The following RBX1 variants were observed in gnomAD, a reference collection of about 807,000 sequenced individuals.
The protein encoded by RBX1 is E3 ubiquitin-protein ligase RBX1.
For missense variants in RBX1, 46 were observed against 141.4 expected (o/e 0.33, Z 3.42); for synonymous variants, 48 against 47.9 (o/e 1.00, Z -0.01).
At chr22:40,968,024 A>G (rs146427422) in intron 4 of RBX1, 140 bp downstream of exon 4, 282 of 497,370 alleles carry the variant, frequency 5.7e-4, no homozygotes, top group African/African-American at 4.7e-3. Context: ...GGACTTATCT[A>G]TATGGAAAAT....
At chr22:40,952,577 G>C (rs1569041610) in intron 1 of RBX1, among the ~76,000 whole-genome samples, 1 of 152,178 alleles carries the variant, frequency 6.6e-6, no homozygotes, top group Non-Finnish European at 1.5e-5. Flanking sequence ...AAGCGAAGAA[G>C]GTTTGGGAGT....
chr22:40,966,762 A>G (rs146206282), intron 3 of RBX1: 1 of 152,338 alleles, frequency 6.6e-6, no homozygotes, highest in African/African-American at 2.4e-5. Context: ...TTGTTATTAA[A>G]TGAAGCTTGT....
At chr22:40,962,422 T>C (rs1312800483) in intron 2 of RBX1, among the ~76,000 whole-genome samples, 2 of 151,978 alleles carry the variant, frequency 1.3e-5, no homozygotes, top group East Asian at 3.8e-4. Flanking sequence ...GAAAAAGGTA[T>C]TATCATGGTA....
chr22:40,969,125 C>A (rs2058361854), intron 4 of RBX1, among the ~76,000 whole-genome samples: 1 of 151,832 alleles, frequency 6.6e-6, no homozygotes, highest in Admixed American at 6.6e-5. Flanking sequence ...GCCAGCCTGG[C>A]CAACATGGAG....
chr22:40,952,103 T>C (rs1176229880), intron 1 of RBX1, among the ~76,000 whole-genome samples: 2 of 152,100 alleles, frequency 1.3e-5, no homozygotes, highest in African/African-American at 4.8e-5. Flanking sequence ...ACTCTTGGGT[T>C]CTCTGTCACG....
At chr22:40,954,440 C>G (rs1176631998) in intron 2 of RBX1, among the ~76,000 whole-genome samples, 1 of 152,164 alleles carries the variant, frequency 6.6e-6, no homozygotes, top group Non-Finnish European at 1.5e-5. Flanking sequence ...TCATTTAAAT[C>G]TCCACATATT....
At chr22:40,960,703 T>G (rs1460980171) in intron 2 of RBX1, among the ~76,000 whole-genome samples, 1 of 152,168 alleles carries the variant, frequency 6.6e-6, no homozygotes, top group Non-Finnish European at 1.5e-5. Flanking sequence ...CTTTTAATTA[T>G]AGTAGTGTAT....
rs751085056 is a variant in RBX1 at position 40,958,307 on chromosome 22, T to TA, written c.157+4687dup. Among the ~76,000 whole-genome samples, 675 of 135,644 alleles carry TA rather than the reference T, an allele frequency of 5.0e-3. 8 individuals are homozygous for TA. The highest frequency in any genetic ancestry group is 0.037 in the East Asian group (174 of 4,766). 89.0% of individuals were successfully genotyped at this position (135,644 alleles called of 152,430 possible). On this transcript the variant is annotated intron_variant, in intron 2 of 4. Transcript: ENST00000216225. The stretch of plus-strand genomic sequence containing the variant: ...GAGGAGAAGTCTGAGTGCCATAACT[T>TA]AAAAAAAAAAAAAGGATTTATATGG...
intron 4 of RBX1, among the ~76,000 whole-genome samples, chr22:40,968,308 C>T (rs1207362955): frequency 6.6e-6 from 1 of 152,094 alleles, no homozygotes; most frequent in East Asian, 1.9e-4. Context: ...CCAGGCTGGT[C>T]TTGAACTCCT....
At chr22:40,968,428 T>C (rs1387257505) in intron 4 of RBX1, among the ~76,000 whole-genome samples, 1 of 152,006 alleles carries the variant, frequency 6.6e-6, no homozygotes, top group Admixed American at 6.6e-5. Context: ...AAGTAGAAAA[T>C]GTGATAATCT....
intron 4 of RBX1, among the ~76,000 whole-genome samples, chr22:40,971,904 G>A (rs2058370147): frequency 6.6e-6 from 1 of 152,080 alleles, no homozygotes; most frequent in Non-Finnish European, 1.5e-5. Flanking sequence ...GGTTTCTGGG[G>A]AAAACAGAAA....
intron 4 of RBX1, among the ~76,000 whole-genome samples, chr22:40,970,053 T>TAAAA (rs71328761): frequency 9.1e-6 from 1 of 109,698 alleles, no homozygotes; most frequent in Non-Finnish European, 1.8e-5. Context: ...AGACCCAATT[T>TAAAA]AAAAAAAAAA....
chr22:40,970,919 G>T (rs2058367370), intron 4 of RBX1, among the ~76,000 whole-genome samples: 1 of 152,110 alleles, frequency 6.6e-6, no homozygotes, highest in Admixed American at 6.6e-5. Flanking sequence ...GTACTGTTGG[G>T]CTCCCTTCAG....
chr22:40,965,197 G>A (rs1569044910), intron 3 of RBX1, among the ~76,000 whole-genome samples: 3 of 151,866 alleles, frequency 2.0e-5, no homozygotes, highest in Admixed American at 2.0e-4. Flanking sequence ...CAGCTACTCG[G>A]GAGGCTGAGG....
intron 1 of RBX1, among the ~76,000 whole-genome samples, chr22:40,952,540 T>C (rs1370474991): frequency 6.6e-6 from 1 of 152,180 alleles, no homozygotes; most frequent in Non-Finnish European, 1.5e-5. Context: ...GGTAAAGAAG[T>C]TACTAGGCAC....
chr22:40,965,071 G>A (rs1187759868), intron 3 of RBX1, among the ~76,000 whole-genome samples: 3 of 152,320 alleles, frequency 2.0e-5, no homozygotes, highest in Non-Finnish European at 2.9e-5. Context: ...CTGGGAGGCC[G>A]AGGCGGGTGC....
At chr22:40,962,419 G>A (rs1260380984) in intron 2 of RBX1, among the ~76,000 whole-genome samples, 1 of 151,250 alleles carries the variant, frequency 6.6e-6, no homozygotes, top group Non-Finnish European at 1.5e-5. Flanking sequence ...AAAGAAAAAG[G>A]TATTATCATG....
intron 4 of RBX1, among the ~76,000 whole-genome samples, chr22:40,969,374 G>A (rs551419785): frequency 6.6e-6 from 1 of 152,358 alleles, no homozygotes; most frequent in African/African-American, 2.4e-5. Context: ...GCAATGTGAA[G>A]GGAGAAACAT....
chr22:40,964,220 C>A, intron 3 of RBX1, 103 bp downstream of exon 3: 1 of 812,762 alleles, frequency 1.2e-6, no homozygotes, highest in Middle Eastern at 2.3e-4. Context: ...GACTAGTCCA[C>A]CTTTCTCCCA....
Sources: allele counts gnomAD v4.1 joint callset (sites outside exome capture counted in the v4.1 genomes callset), GRCh38; gene constraint gnomAD v4.1.1; transcripts MANE v1.5; gene names NCBI Gene and HGNC (gene_info 2026-07-23, HGNC 2026-07-21).